The following EDA variants were observed in gnomAD, a reference collection of about 807,000 sequenced individuals.
EDA encodes ectodysplasin A.
EDA carries 2 observed loss-of-function variants against 23.6 expected under a neutral mutation model. The ratio of observed to expected loss-of-function variants is 0.08; its 90% CI spans 0.03 to 0.27. The LOEUF (loss-of-function observed/expected upper bound fraction) is 0.27. Ranked by LOEUF, EDA falls within the 10% of genes least tolerant of loss-of-function variation. The pLI is 1.00. For missense variants in EDA, 229 were observed against 324.2 expected (o/e 0.71, Z 2.26); for synonymous variants, 131 against 132.0 (o/e 0.99, Z 0.05).
At chrX:69,706,412 G>C (rs930212365) in intron 1 of EDA, among the ~76,000 whole-genome samples, 1 of 112,048 alleles carries the variant, frequency 8.9e-6, no homozygotes, top group African/African-American at 3.2e-5. Context: ...TCGATGAAAA[G>C]TGTCAAACTC....
intron 1 of EDA, among the ~76,000 whole-genome samples, chrX:69,690,435 A>G (rs1257155375): frequency 3.6e-5 from 4 of 111,628 alleles, no homozygotes; most frequent in African/African-American, 6.5e-5. Context: ...TTCATATGAT[A>G]TATTAATTGA....
At chrX:69,989,187 G>T (rs1193544804) in intron 2 of EDA, among the ~76,000 whole-genome samples, 1 of 112,112 alleles carries the variant, frequency 8.9e-6, no homozygotes, top group Non-Finnish European at 1.9e-5. Flanking sequence ...GCAGGGAGCT[G>T]ACCTTACACC....
intron 1 of EDA, among the ~76,000 whole-genome samples, chrX:69,919,096 A>G (rs2018389013): frequency 8.9e-6 from 1 of 111,927 alleles, no homozygotes; most frequent in South Asian, 3.7e-4. Context: ...CTGAAAAGAT[A>G]TAGATTAATT....
chrX:69,726,214 CAG>C lies in EDA; in HGVS notation c.396+109515_396+109516del, dbSNP rs201110861. On this transcript the variant is annotated intron_variant, in intron 1 of 7. Coordinates refer to ENST00000374552, the MANE Select transcript of EDA (RefSeq NM_001399.5). ...AAGGCAAAAAAGTTGAGAAGTTAAG[CAG>C]AGAGTGGCAGATACAATGCTTAGTA... 1.9e-3 allele frequency among the ~76,000 whole-genome samples: 211 copies of C among 111,827 alleles called. 2 individuals are homozygous for C. The East Asian group carries it at 0.056, about 30-fold the overall frequency.
At chrX:69,803,572 G>A (rs939001601) in intron 1 of EDA, among the ~76,000 whole-genome samples, 2 of 111,150 alleles carry the variant, frequency 1.8e-5, no homozygotes, top group African/African-American at 3.3e-5. Flanking sequence ...TGCAAAAACT[G>A]CAGTTACTTT....
intron 2 of EDA, among the ~76,000 whole-genome samples, chrX:70,016,194 A>G (rs1344284478): frequency 4.5e-5 from 5 of 111,885 alleles, no homozygotes; most frequent in Admixed American, 9.5e-5. Context: ...TCCTAAATAT[A>G]TATGTACCCA....
chrX:69,808,472 C>T (rs976154641), intron 1 of EDA, among the ~76,000 whole-genome samples: 1 of 111,541 alleles, frequency 9.0e-6, no homozygotes, highest in Admixed American at 9.5e-5. Context: ...ATGATTGATT[C>T]ATTTATTGCC....
chrX:69,762,100 T>C (rs1282190195), intron 1 of EDA, among the ~76,000 whole-genome samples: 2 of 111,823 alleles, frequency 1.8e-5, no homozygotes, highest in African/African-American at 6.5e-5. Flanking sequence ...TATCAGTATA[T>C]ATATTTAATA....
intron 1 of EDA, among the ~76,000 whole-genome samples, chrX:69,838,041 G>A (rs907100818): frequency 9.8e-5 from 11 of 112,309 alleles, no homozygotes; most frequent in African/African-American, 3.6e-4. Flanking sequence ...TCTCAGCATT[G>A]TAAAGAGGAT....
intron 1 of EDA, among the ~76,000 whole-genome samples, chrX:69,837,800 G>T (rs1367321429): frequency 8.9e-6 from 1 of 112,374 alleles, no homozygotes; most frequent in Non-Finnish European, 1.9e-5. Flanking sequence ...GTTGAAATGT[G>T]CTGTAGCAGG....
intron 1 of EDA, 93 bp from the exon 2 acceptor site, chrX:69,956,934 G>C: frequency 1.3e-6 from 1 of 766,344 alleles, no homozygotes. Context: ...CAAACTTAAG[G>C]TACAGGTAGA....
intron 1 of EDA, among the ~76,000 whole-genome samples, chrX:69,678,634 G>A (rs1180988918): frequency 9.5e-6 from 1 of 105,080 alleles, no homozygotes; most frequent in Non-Finnish European, 1.9e-5. Flanking sequence ...GTCTGTTGTT[G>A]GTGTATAAGA....
chrX:69,677,547 T>A (rs1276976323), intron 1 of EDA, among the ~76,000 whole-genome samples: 1 of 109,733 alleles, frequency 9.1e-6, no homozygotes, highest in Non-Finnish European at 1.9e-5. Context: ...GGTATCTCGT[T>A]GTGGTTTTGA....
At chrX:69,945,048 G>A (rs772271828) in intron 1 of EDA, among the ~76,000 whole-genome samples, 1 of 112,345 alleles carries the variant, frequency 8.9e-6, no homozygotes, top group South Asian at 3.7e-4. Context: ...GTTGGGGGAT[G>A]GGTGAGAGGT....
intron 1 of EDA, among the ~76,000 whole-genome samples, chrX:69,921,727 A>T (rs941005794): frequency 9.0e-6 from 1 of 111,230 alleles, no homozygotes; most frequent in African/African-American, 3.3e-5. Flanking sequence ...AAGTTGTTTC[A>T]TACATATAAT....
At chrX:69,948,586 G>A (rs1401090346) in intron 1 of EDA, among the ~76,000 whole-genome samples, 1 of 111,938 alleles carries the variant, frequency 8.9e-6, no homozygotes, top group East Asian at 2.8e-4. Context: ...TTACTCCCAG[G>A]AGTTGGCACA....
intron 2 of EDA, among the ~76,000 whole-genome samples, chrX:69,959,004 C>G (rs898585646): frequency 9.0e-6 from 1 of 111,249 alleles, no homozygotes; most frequent in Admixed American, 9.6e-5. Context: ...ACCTCTTCAT[C>G]TAACCTCCGA....
At chrX:69,627,507 C>G (rs1257632129) in intron 1 of EDA, among the ~76,000 whole-genome samples, 2 of 111,247 alleles carry the variant, frequency 1.8e-5, no homozygotes, top group Non-Finnish European at 3.8e-5. Context: ...CTGGCCACAC[C>G]CAGACATACA....
chrX:69,709,755 G>T (rs1307617185), intron 1 of EDA, among the ~76,000 whole-genome samples: 3 of 112,175 alleles, frequency 2.7e-5, no homozygotes, highest in Non-Finnish European at 5.6e-5. Flanking sequence ...TCAACCTCCA[G>T]AGGAACTGGG....
Sources: allele counts gnomAD v4.1 joint callset (sites outside exome capture counted in the v4.1 genomes callset), GRCh38; gene constraint gnomAD v4.1.1; transcripts MANE v1.5; gene names NCBI Gene and HGNC (gene_info 2026-07-23, HGNC 2026-07-21).